Variants in BICD1 observed in about 807,000 individuals in gnomAD.
BICD1 encodes BICD cargo adaptor 1, also known as protein bicaudal D homolog 1.
In BICD1, 35 loss-of-function variants were observed where a neutral mutation model predicts 92.5. That is an observed-to-expected ratio of 0.38 (90% CI 0.29 to 0.50). The LOEUF is 0.50. Ranked by LOEUF, BICD1 falls within the 20% of genes least tolerant of loss-of-function variation. The pLI is 0.93. For synonymous variants in BICD1, 429 were observed against 465.1 expected, an observed-to-expected ratio of 0.92 and a Z score of 1.00; for missense variants, 950 against 1,189.8, an observed-to-expected ratio of 0.80 and a Z score of 2.97.
chr12:32,161,760 C>T (rs1230529753), intron 1 of BICD1, among the ~76,000 whole-genome samples: 2 of 152,120 alleles, frequency 1.3e-5, no homozygotes, highest in Non-Finnish European at 2.9e-5. Context: ...TTCTTAAGTG[C>T]AGGGAAGTAT....
rs1162332505 is a variant in BICD1 at position 32,378,904 on chromosome 12, G to A, written c.*1277G>A. On this transcript the variant is annotated 3_prime_UTR_variant, in exon 10 of 10. Transcript: ENST00000652176. The stretch of plus-strand genomic sequence containing the variant: ...GGGTAACTTTTATGACTTGATTTAA[G>A]GCAGTGGATTTTCATAGCAAAATTT... 6.6e-6 allele frequency: 1 copy of A among 152,114 alleles called. No individual in the cohort carries two copies. The highest frequency in any genetic ancestry group is 1.5e-5 in the Non-Finnish European group (1 of 68,032). 9.4% of individuals were successfully genotyped at this position (152,114 alleles called of 1,614,324 possible).
At chr12:32,318,498 C>A (rs537639320) in intron 4 of BICD1, among the ~76,000 whole-genome samples, 5 of 152,024 alleles carry the variant, frequency 3.3e-5, no homozygotes, top group African/African-American at 1.2e-4. Context: ...TTCACTCATG[C>A]TTTGGCTCTC....
intron 1 of BICD1, among the ~76,000 whole-genome samples, chr12:32,112,418 A>C (rs1032483111): frequency 1.3e-5 from 2 of 152,234 alleles, no homozygotes; most frequent in African/African-American, 4.8e-5. Context: ...GTGAACATGT[A>C]TGACAGCGAT....
intron 1 of BICD1, among the ~76,000 whole-genome samples, chr12:32,165,657 C>A (rs568816235): frequency 4.8e-5 from 7 of 144,958 alleles, no homozygotes; most frequent in Non-Finnish European, 7.4e-5. Context: ...GTACTACAGT[C>A]TGGTGACAGA....
intron 3 of BICD1, among the ~76,000 whole-genome samples, chr12:32,294,817 C>T (rs1023939081): frequency 9.2e-5 from 14 of 151,776 alleles, no homozygotes; most frequent in Non-Finnish European, 1.8e-4. Flanking sequence ...CGTGGTGGTT[C>T]ATGCCCGTAA....
At chr12:32,181,218 G>A (rs1024450004) in intron 1 of BICD1, among the ~76,000 whole-genome samples, 37 of 151,588 alleles carry the variant, frequency 2.4e-4, no homozygotes, top group African/African-American at 8.5e-4. Context: ...TCAGGAGTTC[G>A]AGACCAGCCT....
intron 1 of BICD1, among the ~76,000 whole-genome samples, chr12:32,135,386 C>CTTTTTTT (rs71064999): frequency 2.2e-5 from 1 of 44,796 alleles, no homozygotes; most frequent in African/African-American, 1.0e-4. Context: ...CCATGCGTGG[C>CTTTTTTT]TTTTTTTTTT....
intron 2 of BICD1, among the ~76,000 whole-genome samples, chr12:32,258,931 A>G (rs1013784532): frequency 2.6e-5 from 4 of 152,188 alleles, no homozygotes; most frequent in African/African-American, 9.6e-5. Context: ...GCAGGAATGG[A>G]TAATATCCAA....
At chr12:32,133,431 T>G (rs1370180349) in intron 1 of BICD1, among the ~76,000 whole-genome samples, 2 of 151,018 alleles carry the variant, frequency 1.3e-5, no homozygotes. Flanking sequence ...GAGGTTGCAG[T>G]GAGCCAAGAT....
At chr12:32,136,427 A>T (rs1401687634) in intron 1 of BICD1, among the ~76,000 whole-genome samples, 2 of 152,142 alleles carry the variant, frequency 1.3e-5, no homozygotes, top group Non-Finnish European at 2.9e-5. Flanking sequence ...AAACCCAGAA[A>T]ACGAGGATCG....
intron 8 of BICD1, chr12:32,339,409 T>C (rs1938271636): frequency 2.5e-5 from 25 of 987,302 alleles, no homozygotes; most frequent in Non-Finnish European, 3.0e-5. Flanking sequence ...CCTTTTGTGG[T>C]GACTCAGAAC....
chr12:32,371,702 C>T (rs1020478210), intron 9 of BICD1, among the ~76,000 whole-genome samples: 7 of 152,158 alleles, frequency 4.6e-5, no homozygotes, highest in African/African-American at 1.7e-4. Flanking sequence ...ATTCTTCTGC[C>T]TCAGCCACCC....
intron 1 of BICD1, among the ~76,000 whole-genome samples, chr12:32,181,792 C>T (rs891444974): frequency 6.6e-6 from 1 of 151,940 alleles, no homozygotes; most frequent in Non-Finnish European, 1.5e-5. Flanking sequence ...AAACACTGAC[C>T]TATGTAATTT....
At chr12:32,214,723 G>T (rs940614190) in intron 1 of BICD1, among the ~76,000 whole-genome samples, 5 of 151,950 alleles carry the variant, frequency 3.3e-5, no homozygotes, top group African/African-American at 1.2e-4. Context: ...TAGTCTTAAG[G>T]TATATAATAA....
At chr12:32,163,976 T>C (rs1258534223) in intron 1 of BICD1, among the ~76,000 whole-genome samples, 1 of 152,228 alleles carries the variant, frequency 6.6e-6, no homozygotes, top group East Asian at 1.9e-4. Context: ...AAATTTTTTT[T>C]TTATTTTCTG....
At chr12:32,152,077 C>T (rs1943304814) in intron 1 of BICD1, among the ~76,000 whole-genome samples, 2 of 152,026 alleles carry the variant, frequency 1.3e-5, no homozygotes, top group African/African-American at 4.8e-5. Context: ...CTGCCTCAGA[C>T]TCCTGAGTAG....
chr12:32,256,384 C>T (rs1946720679), intron 2 of BICD1, among the ~76,000 whole-genome samples: 1 of 152,114 alleles, frequency 6.6e-6, no homozygotes, highest in Non-Finnish European at 1.5e-5. Context: ...ACCCTCACAG[C>T]CATCCTCTGA....
At position 32,216,389 on chromosome 12, in the gene BICD1, G is replaced by A; in HGVS notation, c.356G>A (p.Ser119Asn). Residue 119 changes from serine (S) to asparagine (N), a missense_variant, in exon 2 of 10, where the codon AGC becomes AAC. Around this residue, in one of 5 missense-constraint regions of BICD1, gnomAD observed 202 missense variants for 205.3 expected, o/e 0.98. Transcript: ENST00000652176. ...GAGATGCAGAACGAGCTGAAACAGAGCCGGGCTGTGGTCACTAATGTACAG... is the reference window on the plus strand; with the variant it reads ...GAGATGCAGAACGAGCTGAAACAGAACCGGGCTGTGGTCACTAATGTACAG... ...ILEMQNELKQ[S>N]RAVVTNVQAE... The A allele has an allele frequency of 6.2e-7, 1 of 1,614,174 alleles. No homozygotes were observed. The highest frequency in any genetic ancestry group is 1.7e-5 in the Admixed American group (1 of 60,022).
chr12:32,195,428 G>A (rs1250097249), intron 1 of BICD1, among the ~76,000 whole-genome samples: 1 of 152,120 alleles, frequency 6.6e-6, no homozygotes, highest in Non-Finnish European at 1.5e-5. Context: ...GCCTAAAAAC[G>A]GCCACTAGGG....
Sources: allele counts gnomAD v4.1 joint callset (sites outside exome capture counted in the v4.1 genomes callset), GRCh38; gene constraint gnomAD v4.1.1; regional missense constraint gnomAD v4.1.1; transcripts MANE v1.5; gene names NCBI Gene and HGNC (gene_info 2026-07-23, HGNC 2026-07-21).